THSD7B: variants seen among roughly 807,000 people sequenced by gnomAD.
THSD7B encodes the protein thrombospondin type-1 domain-containing protein 7B.
A neutral mutation model predicts 213.6 loss-of-function variants in THSD7B; 138 were observed. The ratio of observed to expected loss-of-function variants is 0.65; its 90% CI spans 0.56 to 0.74. The LOEUF (loss-of-function observed/expected upper bound fraction) is 0.74. THSD7B is among the 30% of genes least tolerant of loss of function. THSD7B has a pLI of 0.00. For synonymous variants in THSD7B, 742 were observed against 687.0 expected (o/e 1.08, Z -1.25); for missense variants, 1,931 against 1,991.5 (o/e 0.97, Z 0.58).
chr2:137,080,155 T>C (rs888244893), intron 3 of THSD7B, among the ~76,000 whole-genome samples: 7 of 148,986 alleles, frequency 4.7e-5, no homozygotes, highest in African/African-American at 1.7e-4. Flanking sequence ...GCTTTTTAAA[T>C]ATATGTAAAT....
At chr2:137,546,445 T>TA (rs1558834436) in intron 15 of THSD7B, among the ~76,000 whole-genome samples, 15 of 20,380 alleles carry the variant, frequency 7.4e-4, no homozygotes, top group East Asian at 2.0e-3. Flanking sequence ...TTATATATAT[T>TA]ATATATATAT....
At chr2:137,620,174 G>T (rs1205141856) in intron 19 of THSD7B, among the ~76,000 whole-genome samples, 1 of 152,178 alleles carries the variant, frequency 6.6e-6, no homozygotes, top group African/African-American at 2.4e-5. Context: ...CTTTAGATGG[G>T]TTGCTGATTG....
At chr2:136,940,711 G>GTATATA (rs59133386) in intron 2 of THSD7B, among the ~76,000 whole-genome samples, 9 of 138,162 alleles carry the variant, frequency 6.5e-5, no homozygotes, top group Admixed American at 2.2e-4. Flanking sequence ...GTGTGTGTGT[G>GTATATA]TATATATATA....
intron 25 of THSD7B, among the ~76,000 whole-genome samples, chr2:137,662,362 C>T (rs1172279261): frequency 2.7e-5 from 4 of 150,354 alleles, no homozygotes; most frequent in Admixed American, 6.7e-5. Flanking sequence ...GGATTACAGG[C>T]GTGAGCCACA....
At chr2:137,106,209 T>C (rs541646654) in intron 4 of THSD7B, among the ~76,000 whole-genome samples, 163 of 152,234 alleles carry the variant, frequency 1.1e-3, no homozygotes, top group Non-Finnish European at 1.7e-3. Context: ...TATAGACCAA[T>C]GGAGCAGAAC....
chr2:136,981,661 C>T (rs1685579900), intron 2 of THSD7B, among the ~76,000 whole-genome samples: 1 of 152,200 alleles, frequency 6.6e-6, no homozygotes, highest in South Asian at 2.1e-4. Flanking sequence ...TAGTGAACCT[C>T]AGTTGGGTGC....
chr2:136,808,000 T>G (rs1158176345), intron 1 of THSD7B, among the ~76,000 whole-genome samples: 1 of 152,206 alleles, frequency 6.6e-6, no homozygotes, highest in Non-Finnish European at 1.5e-5. Context: ...GTGTATACAC[T>G]ATCTATATTA....
intron 2 of THSD7B, among the ~76,000 whole-genome samples, chr2:136,983,657 CT>C: frequency 6.6e-6 from 1 of 152,176 alleles, no homozygotes; most frequent in Non-Finnish European, 1.5e-5. Flanking sequence ...TGTCTAAATT[CT>C]TAGGTTCTGT....
At chr2:137,568,215 G>C (rs1046874784) in intron 16 of THSD7B, among the ~76,000 whole-genome samples, 6 of 152,044 alleles carry the variant, frequency 3.9e-5, no homozygotes, top group Non-Finnish European at 7.4e-5. Context: ...GGCGGGAGGA[G>C]AGGAGGGGAG....
chr2:137,313,291 T>G (rs1683970932), intron 12 of THSD7B, among the ~76,000 whole-genome samples: 1 of 152,094 alleles, frequency 6.6e-6, no homozygotes, highest in Non-Finnish European at 1.5e-5. Flanking sequence ...TGATCTTTGT[T>G]GGTTTAAAGT....
intron 15 of THSD7B, among the ~76,000 whole-genome samples, chr2:137,476,335 G>GT (rs1194123501): frequency 1.3e-5 from 2 of 151,950 alleles, no homozygotes; most frequent in African/African-American, 4.8e-5. Flanking sequence ...GGTTCCGTTT[G>GT]TTTATTTTTT....
intron 2 of THSD7B, among the ~76,000 whole-genome samples, chr2:136,932,531 A>G (rs1573718065): frequency 6.6e-6 from 1 of 152,204 alleles, no homozygotes; most frequent in South Asian, 2.1e-4. Flanking sequence ...CAGTTGATTA[A>G]CCTATTTTGT....
intron 1 of THSD7B, among the ~76,000 whole-genome samples, chr2:136,818,036 C>G (rs1682504645): frequency 6.8e-6 from 1 of 146,278 alleles, no homozygotes; most frequent in Non-Finnish European, 1.5e-5. Flanking sequence ...ACCCAGCCAT[C>G]CCATTACTGG....
chr2:137,313,710 A>G (rs548318256), intron 12 of THSD7B, among the ~76,000 whole-genome samples: 19 of 152,196 alleles, frequency 1.2e-4, no homozygotes, highest in East Asian at 7.7e-4. Flanking sequence ...TGGTGGTGAC[A>G]AAATCTCTCA....
At chr2:136,943,219 A>C (rs1164639716) in intron 2 of THSD7B, among the ~76,000 whole-genome samples, 2 of 152,204 alleles carry the variant, frequency 1.3e-5, no homozygotes, top group African/African-American at 4.8e-5. Context: ...CTTGCATCCC[A>C]GGGATGAAGC....
intron 17 of THSD7B, among the ~76,000 whole-genome samples, chr2:137,584,269 T>C (rs940702719): frequency 6.6e-6 from 1 of 152,218 alleles, no homozygotes; most frequent in African/African-American, 2.4e-5. Flanking sequence ...AAATATACAA[T>C]CATGTCATCT....
intron 3 of THSD7B, among the ~76,000 whole-genome samples, chr2:137,076,757 G>A (rs1036202009): frequency 6.6e-6 from 1 of 151,728 alleles, no homozygotes; most frequent in Non-Finnish European, 1.5e-5. Context: ...CTCTTTTATA[G>A]TGGTGGTACC....
chr2:136,957,706 ATG>A (rs1685151248), intron 2 of THSD7B, among the ~76,000 whole-genome samples: 1 of 152,188 alleles, frequency 6.6e-6, no homozygotes, highest in South Asian at 2.1e-4. Flanking sequence ...TTGTGGATAA[ATG>A]TGAAAAGTTT....
At chr2:136,956,465 G>A (rs932823947) in intron 2 of THSD7B, among the ~76,000 whole-genome samples, 5 of 148,194 alleles carry the variant, frequency 3.4e-5, no homozygotes, top group East Asian at 2.0e-4. Flanking sequence ...TTCTCCCATC[G>A]TTAGTGTCCC....
Sources: gnomAD v4.1 joint callset for allele counts (sites outside exome capture counted in the v4.1 genomes callset) on GRCh38, gnomAD v4.1.1 for gene constraint, MANE v1.5 for transcripts, NCBI Gene and HGNC (gene_info 2026-07-23, HGNC 2026-07-21) for gene names.